CNTN2: variants seen among roughly 807,000 people sequenced by gnomAD.
CNTN2 encodes the protein contactin 2, also known as contactin-2.
A neutral mutation model predicts 117.5 loss-of-function variants in CNTN2; 53 were observed. The observed-to-expected ratio is 0.45, with a 90% CI of 0.36 to 0.57. CNTN2 has a LOEUF of 0.57. CNTN2 is among the 20% of genes least tolerant of loss of function. The pLI, the probability that CNTN2 is intolerant of heterozygous loss-of-function variation, is 0.00. For missense variants in CNTN2, 1,106 were observed against 1,404.3 expected, an observed-to-expected ratio of 0.79 and a Z score of 3.39; for synonymous variants, 530 against 561.7, an observed-to-expected ratio of 0.94 and a Z score of 0.80.
intron 11 of CNTN2, 40 bp downstream of exon 11, chr1:205,064,512 C>T (rs1019291726): frequency 7.5e-6 from 12 of 1,593,944 alleles, no homozygotes; most frequent in East Asian, 2.2e-5. Context: ...CCTGCTCCTC[C>T]TCATTCTCCA....
In CNTN2 at chr1:205,058,232, G is replaced by C. The variant is rs1447435018; in HGVS notation, c.267G>C (p.Gln89His). ...AGCTGGAGCCAGGTTCCCGTCACCA[G>C]CTGGTGGGGGGCAACCTGGTCATCA... Reference protein sequence around the residue: ...EMKLEPGSRHQLVGGNLVIMN... With the variant: ...EMKLEPGSRHHLVGGNLVIMN... The change falls in exon 4 of 23, where the codon CAG (glutamine) becomes CAC (histidine). Residue 89 changes from glutamine (Q) to histidine (H), a missense_variant. Gln to His is a conservative substitution (Grantham distance 24). Transcript: ENST00000331830. The surrounding 1 kb of genome is among the most constrained non-coding windows in gnomAD (Gnocchi z 4.3). The C allele has an allele frequency of 1.3e-6, 2 of 1,567,012 alleles. No homozygotes were observed. The highest frequency in any genetic ancestry group is 3.7e-5 in the Admixed American group (2 of 54,002).
intron 2 of CNTN2, among the ~76,000 whole-genome samples, chr1:205,056,920 T>G (rs892587457): frequency 2.0e-5 from 3 of 152,222 alleles, no homozygotes; most frequent in Non-Finnish European, 4.4e-5. Context: ...CAGGAGGAAT[T>G]GATCTGTCTG....
rs1654910693 is a variant in CNTN2, at chr1:205,077,341, T to C, written c.*3576T>C. 1 of 152,308 alleles carries C rather than the reference T, an allele frequency of 6.6e-6. No homozygotes were observed. The allele number at this position is 152,308 out of a possible 1,614,324, so 9.4% of individuals were successfully genotyped here. The stretch of plus-strand genomic sequence containing the variant: ...AATGGCTAGGAATGTTTGACTCCCT[T>C]AATCTCTTCCCCAGCTACAGAGGAA... On this transcript the variant is annotated 3_prime_UTR_variant, in exon 23 of 23. Transcript: ENST00000331830.
At chr1:205,045,722 A>G (rs2096440476) in intron 1 of CNTN2, among the ~76,000 whole-genome samples, 1 of 152,202 alleles carries the variant, frequency 6.6e-6, no homozygotes, top group Non-Finnish European at 1.5e-5. Context: ...AGGAAGAACC[A>G]GAGCAAAGAA....
rs936316721 is a variant in CNTN2 at position 205,075,595 on chromosome 1, C to T, written c.*1830C>T. ...AACTTTTAAGTCCTGCTCTATTTTCCTGGGCAGGTTTATGTTGATGTTTAC... is the reference window on the plus strand; with the variant it reads ...AACTTTTAAGTCCTGCTCTATTTTCTTGGGCAGGTTTATGTTGATGTTTAC... On this transcript the variant is annotated 3_prime_UTR_variant, in exon 23 of 23. Transcript: ENST00000331830. 2.6e-5 allele frequency: 4 copies of T among 152,594 alleles called. No individual in the cohort carries two copies. The highest frequency in any genetic ancestry group is 6.5e-5 in the Admixed American group (1 of 15,288). 9.5% of individuals were successfully genotyped at this position (152,594 alleles called of 1,614,324 possible).
intron 2 of CNTN2, among the ~76,000 whole-genome samples, chr1:205,056,069 ATG>A (rs1418711075): frequency 6.6e-6 from 1 of 152,118 alleles, no homozygotes; most frequent in Non-Finnish European, 1.5e-5. Context: ...ATATAAGAAA[ATG>A]TGTGTAGGTG....
In CNTN2 at chr1:205,048,303, G is replaced by A. The variant is rs565307494; in HGVS notation, c.-86-4797G>A. Among the ~76,000 whole-genome samples, 89 of 152,240 alleles carry A rather than the reference G, an allele frequency of 5.8e-4. No homozygotes were observed. Among genetic ancestry groups the A allele is most frequent in the African/African-American group, 2.0e-3 (84 of 41,530 alleles). ...TTATTTTTTGACTGGCTCCATGCGGGGGGCCTTATCCCAGAAAACCTTGTC... is the reference window on the plus strand; with the variant it reads ...TTATTTTTTGACTGGCTCCATGCGGAGGGCCTTATCCCAGAAAACCTTGTC... On this transcript the variant is annotated intron_variant, in intron 1 of 22. Coordinates refer to ENST00000331830, the MANE Select transcript of CNTN2 (RefSeq NM_005076.5). This position sits in a 1 kb window ranked among gnomAD's most constrained non-coding sequence, Gnocchi z 4.1.
intron 20 of CNTN2, 84 bp from the exon 21 acceptor site, chr1:205,072,399 C>A: frequency 8.5e-7 from 1 of 1,178,050 alleles, no homozygotes; most frequent in Non-Finnish European, 1.3e-6. Context: ...AGGCAAACAT[C>A]CAGAGAAGGG....
chr1:205,057,794 C>A, intron 2 of CNTN2, 127 bp from the exon 3 acceptor site: 1 of 1,166,646 alleles, frequency 8.6e-7, no homozygotes, highest in Non-Finnish European at 1.2e-6. Flanking sequence ...GTGGTTACCA[C>A]ATTGAACAGT....
In CNTN2 at chr1:205,062,444, G is replaced by C; in HGVS notation, c.1115G>C (p.Arg372Pro). The change falls in exon 10 of 23, where the codon CGG becomes CCG. Residue 372 changes from arginine to proline, a missense_variant. By Grantham distance (103) the Arg-to-Pro change is moderately radical (BLOSUM62 -2). Transcript: ENST00000331830. Reference sequence around the variant, plus strand: ...GCTCTGGGCTCTTCTGCACAGAACCGGGTGGAGGTGTTGGCTGGGGACCTG... The same window carrying C: ...GCTCTGGGCTCTTCTGCACAGAACCCGGTGGAGGTGTTGGCTGGGGACCTG... ...RNGEPLASQN[R>P]VEVLAGDLRF... The C allele has an allele frequency of 1.9e-6, 3 of 1,613,050 alleles. No individual in the cohort carries two copies. The highest frequency in any genetic ancestry group is 2.5e-6 in the Non-Finnish European group (3 of 1,179,444).
intron 2 of CNTN2, among the ~76,000 whole-genome samples, chr1:205,056,613 A>G (rs1050742582): frequency 1.3e-5 from 2 of 152,174 alleles, no homozygotes; most frequent in African/African-American, 4.8e-5. Flanking sequence ...AAAGGAACTA[A>G]TTAGTTAATG....
intron 15 of CNTN2, 40 bp downstream of exon 15, chr1:205,066,639 C>G: frequency 1.2e-6 from 2 of 1,606,278 alleles, no homozygotes; most frequent in Non-Finnish European, 1.7e-6. Flanking sequence ...TGATAAGGCT[C>G]GACTGGGTGT....
At chr1:205,051,748 C>T (rs1159276434) in intron 1 of CNTN2, among the ~76,000 whole-genome samples, 1 of 152,084 alleles carries the variant, frequency 6.6e-6, no homozygotes, top group East Asian at 1.9e-4. Flanking sequence ...GTGAAAGAGG[C>T]AGGAAAAGGT....
At chr1:205,066,305 C>T (rs1654286644) in intron 14 of CNTN2, 136 bp from the exon 15 acceptor site, 8 of 1,066,846 alleles carry the variant, frequency 7.5e-6, no homozygotes, top group East Asian at 2.6e-5. Flanking sequence ...CCCGCCCTCC[C>T]GCCTGGGTGT....
At chr1:205,063,480 T>G (rs1412969892) in intron 10 of CNTN2, 1 of 151,376 alleles carries the variant, frequency 6.6e-6, no homozygotes, top group Middle Eastern at 3.2e-3. Flanking sequence ...AACACAAAAT[T>G]TAGCCAGGCA....
chr1:205,067,320 C>T (rs1220974545), intron 16 of CNTN2, 70 bp downstream of exon 16: 13 of 1,532,658 alleles, frequency 8.5e-6, no homozygotes, highest in Non-Finnish European at 1.1e-5. Flanking sequence ...TAGGGAATGC[C>T]AAGCCAGCCG....
At position 205,059,435 on chromosome 1, in the gene CNTN2, C is replaced by A; in HGVS notation, c.697+142C>A. On this transcript the variant is annotated intron_variant, in intron 6 of 22. Transcript: ENST00000331830. This position sits in a 1 kb window ranked among gnomAD's most constrained non-coding sequence, Gnocchi z 5.6. ...CCTGGACCCCCAGATCCTCCTGCTT[C>A]AAATCCTGAGGCCCTTGCCCCAGGC... is the stretch of plus-strand genomic sequence containing the variant. The A allele has an allele frequency of 8.6e-7, 1 of 1,161,352 alleles. No individual in the cohort carries two copies. 71.9% of individuals were successfully genotyped at this position (1,161,352 alleles called of 1,614,324 possible). A position where few individuals can be genotyped will look rare whatever the true frequency, so the allele number is the denominator to read the frequency against.
intron 18 of CNTN2, 22 bp from the exon 19 acceptor site, chr1:205,070,404 C>A (rs767659022): frequency 3.2e-6 from 5 of 1,564,566 alleles, no homozygotes; most frequent in South Asian, 1.1e-5. Context: ...GGAATCCAAA[C>A]CCATTCTGTA....
At chr1:205,062,056 T>C (rs779892453) in intron 9 of CNTN2, 55 bp downstream of exon 9, 13 of 1,583,250 alleles carry the variant, frequency 8.2e-6, no homozygotes, top group South Asian at 7.9e-5. Context: ...GCTCACTTGG[T>C]TCCCTCCCCC....
Sources: gnomAD v4.1 joint callset for allele counts (sites outside exome capture counted in the v4.1 genomes callset) on GRCh38, gnomAD v4.1.1 for gene constraint, Gnocchi (gnomAD v3.1) non-coding constraint, MANE v1.5 for transcripts, NCBI Gene and HGNC (gene_info 2026-07-23, HGNC 2026-07-21) for gene names.